Variants in RAB30 observed in about 807,000 individuals in gnomAD.
The protein encoded by RAB30 is ras-related protein Rab-30.
In RAB30, 9 loss-of-function variants were observed where a neutral mutation model predicts 25.1. That is an observed-to-expected ratio of 0.36 (90% CI 0.22 to 0.63). The LOEUF is 0.63. Among genes scored for constraint, RAB30 ranks in the 20% least tolerant of loss-of-function variants. RAB30 has a pLI of 0.69. For missense variants in RAB30, 140 were observed against 243.5 expected, an observed-to-expected ratio of 0.58 and a Z score of 2.83; for synonymous variants, 77 against 86.4, an observed-to-expected ratio of 0.89 and a Z score of 0.60.
chr11:83,042,960 T>C (rs938485377), intron 1 of RAB30, among the ~76,000 whole-genome samples: 11 of 152,226 alleles, frequency 7.2e-5, no homozygotes, highest in Non-Finnish European at 1.5e-4. Flanking sequence ...CCAACAGTTA[T>C]AATGATTAAC....
chr11:83,067,710 G>A (rs11233446), intron 1 of RAB30, among the ~76,000 whole-genome samples: 23,026 of 152,084 alleles, frequency 0.15, 1,852 homozygotes, highest in Middle Eastern at 0.23. Flanking sequence ...AGTTAGTGTC[G>A]GCCGGGCATG....
At chr11:83,015,363 G>A (rs1857413297) in intron 1 of RAB30, among the ~76,000 whole-genome samples, 1 of 152,048 alleles carries the variant, frequency 6.6e-6, no homozygotes, top group Non-Finnish European at 1.5e-5. Flanking sequence ...CTAAAGGATT[G>A]GAAAGAGGAT....
At chr11:83,053,898 T>C (rs1858405033) in intron 1 of RAB30, among the ~76,000 whole-genome samples, 1 of 152,140 alleles carries the variant, frequency 6.6e-6, no homozygotes, top group South Asian at 2.1e-4. Flanking sequence ...GAGATCAGCA[T>C]GGCCAACATG....
chr11:82,994,622 C>T (rs1271299760), intron 2 of RAB30, among the ~76,000 whole-genome samples: 1 of 152,122 alleles, frequency 6.6e-6, no homozygotes, highest in Non-Finnish European at 1.5e-5. Context: ...TATGAAAAAA[C>T]AAATAAGAAC....
At chr11:83,034,833 C>T (rs1241886919) in intron 1 of RAB30, 1 of 151,800 alleles carries the variant, frequency 6.6e-6, no homozygotes, top group Non-Finnish European at 1.5e-5. Context: ...ATAACTTGTC[C>T]AAGGAACACA....
intron 2 of RAB30, among the ~76,000 whole-genome samples, chr11:82,994,951 A>G (rs1353542995): frequency 6.6e-6 from 1 of 152,228 alleles, no homozygotes; most frequent in African/African-American, 2.4e-5. Flanking sequence ...AGCCATTTTA[A>G]AACAAATAAA....
chr11:82,998,166 T>A (rs2121464920), intron 1 of RAB30, among the ~76,000 whole-genome samples: 1 of 152,328 alleles, frequency 6.6e-6, no homozygotes, highest in South Asian at 2.1e-4. Flanking sequence ...AGGGATGGGA[T>A]TATGCCTGTC....
At chr11:83,006,105 A>G (rs1857179370) in intron 1 of RAB30, among the ~76,000 whole-genome samples, 2 of 152,194 alleles carry the variant, frequency 1.3e-5, no homozygotes, top group South Asian at 4.1e-4. Context: ...CTATGGAGAA[A>G]TGGGGCACTT....
intron 4 of RAB30, among the ~76,000 whole-genome samples, chr11:82,984,094 C>T (rs2121433133): frequency 6.6e-6 from 1 of 152,310 alleles, no homozygotes; most frequent in South Asian, 2.1e-4. Context: ...TTTCCACCTA[C>T]CTCAAATTCT....
At chr11:83,000,870 T>G in intron 1 of RAB30, among the ~76,000 whole-genome samples, 1 of 118,204 alleles carries the variant, frequency 8.5e-6, no homozygotes, top group Non-Finnish European at 1.7e-5. Flanking sequence ...TGAAACCCCG[T>G]CTCTACTAAA....
At chr11:83,024,039 C>T (rs1308565233) in intron 1 of RAB30, among the ~76,000 whole-genome samples, 1 of 152,186 alleles carries the variant, frequency 6.6e-6, no homozygotes, top group East Asian at 1.9e-4. Context: ...TACTCCATAT[C>T]CCGGGGCCTC....
Position 83,037,459 on chromosome 11 carries a change from G to A in RAB30, c.-9+34232C>T, listed in dbSNP as rs964649007. On this transcript the variant is annotated intron_variant, in intron 1 of 4. Transcript: ENST00000527633. ...GAGACAGGGTTTCGCCATGTTGGCC[G>A]GACTGGTCTTGAACTCCTGACCTCA... Among the ~76,000 whole-genome samples, 6 of 151,982 alleles carry A rather than the reference G, an allele frequency of 3.9e-5. No individual in the cohort carries two copies. In the East Asian group the frequency reaches 7.7e-4, roughly 20 times the overall value.
At chr11:83,003,325 A>G (rs999399962) in intron 1 of RAB30, among the ~76,000 whole-genome samples, 1 of 152,018 alleles carries the variant, frequency 6.6e-6, no homozygotes, top group African/African-American at 2.4e-5. Flanking sequence ...CAGACAAGCA[A>G]AAAGGAAAAG....
At chr11:83,064,726 C>G (rs552945843) in intron 1 of RAB30, among the ~76,000 whole-genome samples, 9 of 152,312 alleles carry the variant, frequency 5.9e-5, no homozygotes, top group Admixed American at 1.3e-4. Flanking sequence ...TTCCTGAAGA[C>G]ATTCAGGAAC....
intron 1 of RAB30, among the ~76,000 whole-genome samples, chr11:82,998,916 C>G (rs1272866217): frequency 3.9e-5 from 6 of 152,094 alleles, no homozygotes; most frequent in Non-Finnish European, 8.8e-5. Context: ...TGCCTGCAGG[C>G]TTGTAGGGCA....
intron 1 of RAB30, among the ~76,000 whole-genome samples, chr11:83,029,936 A>G (rs1857814425): frequency 6.6e-6 from 1 of 152,218 alleles, no homozygotes. Context: ...GAAGTAACTC[A>G]GGAATGGAAA....
intron 1 of RAB30, among the ~76,000 whole-genome samples, chr11:83,015,335 T>C (rs1857412870): frequency 6.6e-6 from 1 of 151,790 alleles, no homozygotes; most frequent in Non-Finnish European, 1.5e-5. Context: ...TTTTTGAAGA[T>C]AGAGAAGACA....
In RAB30 at chr11:82,990,938, C is replaced by T. The variant is rs117905245; in HGVS notation, c.177+3101G>A. On this transcript the variant is annotated intron_variant, in intron 3 of 4. Coordinates refer to ENST00000527633, the MANE Select transcript of RAB30 (RefSeq NM_001286060.2). The stretch of plus-strand genomic sequence containing the variant: ...ATTAATTTTGTTTTTACTGATTTGG[C>T]GCTTACTTGGCCTTAATAGCTACAA... Among the ~76,000 whole-genome samples, 756 of 152,154 alleles carry T rather than the reference C, an allele frequency of 5.0e-3. 3 individuals are homozygous for T. The highest frequency in any genetic ancestry group is 7.4e-3 in the Non-Finnish European group (506 of 68,018).
At chr11:82,993,982 C>G in intron 3 of RAB30, 57 bp downstream of exon 3, 1 of 1,339,760 alleles carries the variant, frequency 7.5e-7, no homozygotes, top group South Asian at 1.2e-5. Context: ...GAAAGCAGTA[C>G]TTCCCCTAAC....
Sources: gnomAD v4.1 joint callset for allele counts (sites outside exome capture counted in the v4.1 genomes callset) on GRCh38, gnomAD v4.1.1 for gene constraint, MANE v1.5 for transcripts, NCBI Gene and HGNC (gene_info 2026-07-23, HGNC 2026-07-21) for gene names.